The following DDX60L variants were observed in gnomAD, a reference collection of about 807,000 sequenced individuals.
DDX60L encodes DExD/H-box 60 like.
DDX60L carries 191 observed loss-of-function variants against 211.6 expected under a neutral mutation model. The ratio of observed to expected loss-of-function variants is 0.90; its 90% CI spans 0.80 to 1.02. The LOEUF is 1.02. Among genes scored for constraint, DDX60L ranks in the 50% least tolerant of loss-of-function variants. The probability of loss-of-function intolerance (pLI) is 0.00; values close to 1 mark genes in which losing one functional copy is unlikely to be tolerated. For synonymous variants in DDX60L, 706 were observed against 694.1 expected (o/e 1.02, Z -0.27); for missense variants, 2,007 against 1,984.1 (o/e 1.01, Z -0.22).
At position 168,400,952 on chromosome 4, in the gene DDX60L, C is replaced by CT. The variant is rs1261395974; in HGVS notation, c.3364dup (p.Arg1122LysfsTer21). On this transcript the variant is annotated frameshift_variant, in exon 26 of 38. Transcript: ENST00000682922. LOFTEE classifies it high-confidence loss of function. ...CAGAAAAGTGCACACACTTCCAGCT[C>CT]TTTTTCCCACATCATCATTCTTAAA... 3 of 1,613,684 alleles carry CT rather than the reference C, an allele frequency of 1.9e-6. No individual in the cohort carries two copies. Among genetic ancestry groups the CT allele is most frequent in the Non-Finnish European group, 2.5e-6 (3 of 1,179,820 alleles).
chr4:168,405,163 C>T (rs943560012), intron 24 of DDX60L, among the ~76,000 whole-genome samples: 6 of 152,100 alleles, frequency 3.9e-5, no homozygotes, highest in East Asian at 3.9e-4. Context: ...CATGCGCCAC[C>T]ACATCTGGCT....
chr4:168,430,298 CT>C (rs1287626659), intron 13 of DDX60L, among the ~76,000 whole-genome samples, 179 bp downstream of exon 13: 7 of 152,170 alleles, frequency 4.6e-5, no homozygotes, highest in Non-Finnish European at 1.0e-4. Flanking sequence ...CCAATTAAAC[CT>C]TTTTTCTTTA....
At chr4:168,478,679 G>GA (rs1479825766) in intron 1 of DDX60L, among the ~76,000 whole-genome samples, 2 of 152,208 alleles carry the variant, frequency 1.3e-5, no homozygotes, top group Non-Finnish European at 2.9e-5. Flanking sequence ...ATCCTGAGAA[G>GA]AATTTTTAAA....
rs114630025 is a variant in DDX60L, at chr4:168,439,234, A to G, written c.1294+2103T>C. 1.4e-3 allele frequency among the ~76,000 whole-genome samples: 217 copies of G among 152,306 alleles called. 2 individuals carry two copies. Among genetic ancestry groups the G allele is most frequent in the African/African-American group, 5.1e-3 (210 of 41,572 alleles). ...TAGTTCCCTAGTTATCCAATCAAAC[A>G]TGAATCTGGATGTTGTTGTAAAGGT... On this transcript the variant is annotated intron_variant, in intron 10 of 37. Transcript: ENST00000682922.
At chr4:168,453,392 G>A in intron 7 of DDX60L, 110 bp from the exon 8 acceptor site, 2 of 1,166,466 alleles carry the variant, frequency 1.7e-6, no homozygotes, top group Middle Eastern at 2.1e-4. Flanking sequence ...CTACATTTGT[G>A]AGAAAGTCCC....
intron 9 of DDX60L, among the ~76,000 whole-genome samples, chr4:168,442,537 G>GGCCT (rs1754060546): frequency 6.6e-6 from 1 of 152,362 alleles, no homozygotes; most frequent in Non-Finnish European, 1.5e-5. Flanking sequence ...AGCTCAAGGA[G>GGCCT]GCCTGCCTGC....
At chr4:168,469,012 T>C (rs140877561) in intron 4 of DDX60L, 40 of 152,350 alleles carry the variant, frequency 2.6e-4, no homozygotes, top group African/African-American at 9.6e-4. Flanking sequence ...AAGACTATAT[T>C]GGTCTACAAA....
intron 36 of DDX60L, among the ~76,000 whole-genome samples, chr4:168,365,253 A>G (rs1739772164): frequency 6.6e-6 from 1 of 152,018 alleles, no homozygotes; most frequent in Non-Finnish European, 1.5e-5. Context: ...TTTTAAAAAG[A>G]TAAACAAAAT....
intron 35 of DDX60L, among the ~76,000 whole-genome samples, chr4:168,372,144 T>C (rs540589058): frequency 5.8e-4 from 88 of 152,162 alleles, no homozygotes; most frequent in Non-Finnish European, 1.1e-3. Flanking sequence ...TTATCTTCAT[T>C]GGTGCACAGA....
At chr4:168,443,701 G>A (rs1287351297) in intron 9 of DDX60L, among the ~76,000 whole-genome samples, 1 of 149,556 alleles carries the variant, frequency 6.7e-6, no homozygotes, top group Admixed American at 6.6e-5. Flanking sequence ...CTACAAGCCA[G>A]AAGAGAGTGG....
Position 168,461,845 on chromosome 4 carries a change from G to T in DDX60L, c.460C>A (p.Gln154Lys), listed in dbSNP as rs753070986. Residue 154 changes from glutamine (Q) to lysine (K), a missense_variant, in exon 5 of 38, where the codon CAA (glutamine) becomes AAA (lysine). Physicochemically the swap from Gln to Lys is moderately conservative, Grantham distance 53. Transcript: ENST00000682922. Reference sequence around the variant, plus strand: ...ATTAGGAAGTTAAAAAGGTACGTTTGTAAATCACTCAGGCCTTCCTCTGAA... The same window carrying T: ...ATTAGGAAGTTAAAAAGGTACGTTTTTAAATCACTCAGGCCTTCCTCTGAA... ...IVSEEGLSDL[Q>K]TYLFNFLIIH... 1.2e-6 allele frequency: 2 copies of T among 1,609,300 alleles called. No individual in the cohort carries two copies. The highest frequency in any genetic ancestry group is 2.7e-5 in the African/African-American group (2 of 74,898).
intron 7 of DDX60L, among the ~76,000 whole-genome samples, chr4:168,455,296 G>A (rs1435088916): frequency 2.0e-5 from 3 of 151,552 alleles, no homozygotes; most frequent in Non-Finnish European, 4.4e-5. Context: ...GTGTGTGTGT[G>A]TGTGTACTTA....
Position 168,379,354 on chromosome 4 carries a change from CA to C in DDX60L, c.4363+8del. 1.3e-6 allele frequency: 2 copies of C among 1,543,428 alleles called. No homozygotes were observed. The highest frequency in any genetic ancestry group is 1.7e-6 in the Non-Finnish European group (2 of 1,154,368). On this transcript the variant is annotated splice_region_variant and intron_variant, in intron 32 of 37. Transcript: ENST00000682922. ...ATTTTTCGACTACAGGTATAAAACC[CA>C]AGCTTACCTTTCCAGGCTGGCTTAC...
At chr4:168,442,789 T>C (rs1245246155) in intron 9 of DDX60L, among the ~76,000 whole-genome samples, 2 of 150,654 alleles carry the variant, frequency 1.3e-5, no homozygotes, top group Non-Finnish European at 3.0e-5. Context: ...CACGGCAGGG[T>C]ACTCCAACAG....
chr4:168,372,012 G>A (rs1741121235), intron 35 of DDX60L, among the ~76,000 whole-genome samples: 1 of 152,092 alleles, frequency 6.6e-6, no homozygotes, highest in Non-Finnish European at 1.5e-5. Flanking sequence ...CAGCACCGCT[G>A]AGGGAAATAG....
chr4:168,369,709 T>C (rs1283445051), intron 36 of DDX60L, among the ~76,000 whole-genome samples: 1 of 151,958 alleles, frequency 6.6e-6, no homozygotes, highest in East Asian at 1.9e-4. Flanking sequence ...ATATCCAGAA[T>C]ACATAAGAAA....
intron 4 of DDX60L, among the ~76,000 whole-genome samples, chr4:168,468,170 TAATA>T (rs74385831): frequency 6.7e-6 from 1 of 150,118 alleles, no homozygotes; most frequent in African/African-American, 2.4e-5. Context: ...CCATCTCAAA[TAATA>T]AATAAATAAA....
At chr4:168,394,318 T>C in intron 28 of DDX60L, 147 bp downstream of exon 28, 1 of 519,364 alleles carries the variant, frequency 1.9e-6, no homozygotes, top group Non-Finnish European at 3.3e-6. Flanking sequence ...ATAAATGGGA[T>C]AGATGGAGCA....
chr4:168,387,635 G>A (rs1317669831), intron 29 of DDX60L, among the ~76,000 whole-genome samples: 3 of 152,168 alleles, frequency 2.0e-5, no homozygotes. Flanking sequence ...AAAGAATGAA[G>A]GAAGAAGGAT....
Sources: allele counts gnomAD v4.1 joint callset (sites outside exome capture counted in the v4.1 genomes callset), GRCh38; gene constraint gnomAD v4.1.1; transcripts MANE v1.5; gene names NCBI Gene and HGNC (gene_info 2026-07-23, HGNC 2026-07-21).